The following KDM4B variants were observed in gnomAD, a reference collection of about 807,000 sequenced individuals.
KDM4B encodes the protein lysine-specific demethylase 4B.
In KDM4B, 32 loss-of-function variants were observed where a neutral mutation model predicts 125.2. That is an observed-to-expected ratio of 0.26 (90% CI 0.19 to 0.34). KDM4B has a LOEUF of 0.34. Ranked by LOEUF, KDM4B falls within the 10% of genes least tolerant of loss-of-function variation. The probability of loss-of-function intolerance (pLI) is 1.00; values close to 1 mark genes in which losing one functional copy is unlikely to be tolerated. For synonymous variants in KDM4B, 721 were observed against 677.9 expected, an observed-to-expected ratio of 1.06 and a Z score of -0.99; for missense variants, 1,190 against 1,577.7, an observed-to-expected ratio of 0.75 and a Z score of 4.16.
intron 20 of KDM4B, 145 bp downstream of exon 20, chr19:5,144,557 T>C: frequency 1.0e-6 from 1 of 962,292 alleles, no homozygotes; most frequent in Non-Finnish European, 1.5e-6. Context: ...GGGGTCCCCT[T>C]GTCCTCAGGG....
intron 9 of KDM4B, among the ~76,000 whole-genome samples, chr19:5,110,415 T>G (rs1025925233): frequency 6.6e-6 from 1 of 152,154 alleles, no homozygotes; most frequent in African/African-American, 2.4e-5. Flanking sequence ...GAGGCTACAA[T>G]GAGCCATGAT....
intron 2 of KDM4B, among the ~76,000 whole-genome samples, chr19:5,028,321 G>T (rs1164854374): frequency 6.6e-6 from 1 of 152,182 alleles, no homozygotes; most frequent in Non-Finnish European, 1.5e-5. Context: ...AAGCCCTGTA[G>T]CCTGGGGTGT....
chr19:5,069,054 C>G (rs1229627313), intron 6 of KDM4B, among the ~76,000 whole-genome samples: 13 of 152,114 alleles, frequency 8.5e-5, no homozygotes, highest in Admixed American at 8.5e-4. Context: ...CACAAAGGTG[C>G]TTTGGATTGG....
chr19:5,090,997 C>T (rs901801718), intron 9 of KDM4B, among the ~76,000 whole-genome samples: 4 of 152,166 alleles, frequency 2.6e-5, no homozygotes, highest in African/African-American at 9.7e-5. Flanking sequence ...TGTGCTCCAG[C>T]AGGCAGGCTT....
chr19:5,113,067 G>T (rs934445330), intron 10 of KDM4B: 1 of 152,252 alleles, frequency 6.6e-6, no homozygotes, highest in Non-Finnish European at 1.5e-5. Flanking sequence ...AAGCCGCTGC[G>T]CTCACCGCTG....
chr19:4,972,584 G>A (rs1027601927), intron 1 of KDM4B, among the ~76,000 whole-genome samples: 1 of 152,154 alleles, frequency 6.6e-6, no homozygotes, highest in African/African-American at 2.4e-5. Flanking sequence ...GTAGCACCCT[G>A]TCCCCTAAGC....
In KDM4B at chr19:5,035,534, C is replaced by A. The variant is rs12976328; in HGVS notation, c.141+2503C>A. On this transcript the variant is annotated intron_variant, in intron 3 of 22. Coordinates refer to ENST00000159111, the MANE Select transcript of KDM4B (RefSeq NM_015015.3). The surrounding 1 kb of genome is among the most constrained non-coding windows in gnomAD (Gnocchi z 5.3). ...GGTTCCCGGGTGGCCTGTCCTCCCC[C>A]GCGCTGGCACCTCCGCTTCGTCCCT... Among the ~76,000 whole-genome samples, 8 of 152,226 alleles carry A rather than the reference C, an allele frequency of 5.3e-5. 2 individuals carry two copies. Among genetic ancestry groups the A allele is most frequent in the African/African-American group, 1.9e-4 (8 of 41,532 alleles).
rs1162682150 is a variant in KDM4B, at chr19:5,086,192, G to GC, written c.918+3697dup. Among the ~76,000 whole-genome samples the GC allele has an allele frequency of 9.1e-3, 1,346 of 148,726 alleles. 9 individuals are homozygous for GC. The highest frequency in any genetic ancestry group is 0.027 in the African/African-American group (1,094 of 40,566). On this transcript the variant is annotated intron_variant, in intron 9 of 22. Transcript: ENST00000159111. ...CCTTCCTTGACCGCTAGGGACCCCTGCCCCCCCCCACCCCGTTGTCCCCTT... is the reference window on the plus strand; with the variant it reads ...CCTTCCTTGACCGCTAGGGACCCCTGCCCCCCCCCCACCCCGTTGTCCCCTT...
chr19:5,150,961 A>G (rs2039936343), intron 22 of KDM4B, among the ~76,000 whole-genome samples: 1 of 152,208 alleles, frequency 6.6e-6, no homozygotes, highest in Non-Finnish European at 1.5e-5. Flanking sequence ...GGCTTCCTTT[A>G]TTCTCTTTCT....
chr19:5,020,964 T>C (rs916377252), intron 2 of KDM4B, among the ~76,000 whole-genome samples: 4 of 151,810 alleles, frequency 2.6e-5, no homozygotes, highest in Admixed American at 2.6e-4. Flanking sequence ...CTGGTTAACA[T>C]GGTGAAACTC....
chr19:5,051,260 A>G (rs2037213499), intron 6 of KDM4B, among the ~76,000 whole-genome samples: 1 of 152,236 alleles, frequency 6.6e-6, no homozygotes, highest in Admixed American at 6.5e-5. Flanking sequence ...ACCCCAAAGA[A>G]GAGAGTGGAG....
chr19:5,023,710 A>G (rs2036193221), intron 2 of KDM4B, among the ~76,000 whole-genome samples: 1 of 149,934 alleles, frequency 6.7e-6, no homozygotes, highest in African/African-American at 2.5e-5. Flanking sequence ...CTTCCTACCC[A>G]CAGAGGAGGG....
chr19:5,051,301 C>G lies in KDM4B; in HGVS notation c.626+3632C>G, dbSNP rs572201651. On this transcript the variant is annotated intron_variant, in intron 6 of 22. Transcript: ENST00000159111. ...ATCCCCCCTCGAGGGCCCTGGCCCACGCTGCCTGGGAAAGTGCCCACTGTT... is the reference window on the plus strand; with the variant it reads ...ATCCCCCCTCGAGGGCCCTGGCCCAGGCTGCCTGGGAAAGTGCCCACTGTT... 2.6e-5 allele frequency among the ~76,000 whole-genome samples: 4 copies of G among 152,354 alleles called. No individual in the cohort carries two copies. In the South Asian group the frequency reaches 6.2e-4, roughly 24 times the overall value.
intron 22 of KDM4B, among the ~76,000 whole-genome samples, 198 bp downstream of exon 22, chr19:5,150,648 G>C (rs537986261): frequency 6.6e-6 from 1 of 152,304 alleles, no homozygotes; most frequent in South Asian, 2.1e-4. Flanking sequence ...CTTGACTCCT[G>C]GTGCCGCAGC....
intron 9 of KDM4B, among the ~76,000 whole-genome samples, chr19:5,090,585 C>T (rs1418877557): frequency 2.1e-5 from 1 of 48,736 alleles, no homozygotes; most frequent in African/African-American, 9.0e-5. Context: ...CTCCCCCTCT[C>T]CCCCCTCCCT....
rs761357623 is a variant in KDM4B at position 5,151,427 on chromosome 19, G to A, written c.3207G>A (p.Thr1069=). The A allele has an allele frequency of 1.0e-5, 16 of 1,568,976 alleles. No homozygotes were observed. The highest frequency in any genetic ancestry group is 9.1e-5 in the Admixed American group (5 of 54,656). ...KRPRVGTPLA[T]EDSGRSQDYV... is the part of the protein sequence containing the mutation. ...CGCGTGTGGGCACCCCGCTTGCCAC[G>A]GAGGACTCCGGGCGGAGCCAGGACT... The change falls in exon 23 of 23, where the codon ACG becomes ACA. Residue 1069 remains threonine (T), a synonymous_variant. Transcript: ENST00000159111.
At chr19:5,095,227 T>TCCTGGTTCCTGGTTC (rs1388429051) in intron 9 of KDM4B, among the ~76,000 whole-genome samples, 1 of 152,170 alleles carries the variant, frequency 6.6e-6, no homozygotes, top group African/African-American at 2.4e-5. Context: ...GGTTCCTGGA[T>TCCTGGTTCCTGGTTC]CAGGGGGCTG....
intron 20 of KDM4B, 51 bp from the exon 21 acceptor site, chr19:5,144,732 C>T: frequency 1.2e-6 from 2 of 1,606,818 alleles, no homozygotes; most frequent in Non-Finnish European, 8.5e-7. Flanking sequence ...CCAGCGACAG[C>T]CCCCAGCGTA....
intron 1 of KDM4B, among the ~76,000 whole-genome samples, chr19:4,984,166 C>T (rs1234101598): frequency 1.3e-5 from 2 of 152,158 alleles, no homozygotes; most frequent in Non-Finnish European, 2.9e-5. Context: ...AGGCTCCAGG[C>T]CAGCATCCAC....
Sources: allele counts gnomAD v4.1 joint callset (sites outside exome capture counted in the v4.1 genomes callset), GRCh38; gene constraint gnomAD v4.1.1; non-coding constraint Gnocchi (gnomAD v3.1); transcripts MANE v1.5; gene names NCBI Gene and HGNC (gene_info 2026-07-23, HGNC 2026-07-21).